INSYN2B: variants seen among roughly 807,000 people sequenced by gnomAD.
INSYN2B encodes the protein inhibitory synaptic factor family member 2B.
INSYN2B carries 16 observed loss-of-function variants against 41.2 expected under a neutral mutation model. That is an observed-to-expected ratio of 0.39 (90% CI 0.26 to 0.59). INSYN2B has a LOEUF of 0.59. Among genes scored for constraint, INSYN2B ranks in the 20% least tolerant of loss-of-function variants. The probability of loss-of-function intolerance (pLI) is 0.57; values close to 1 mark genes in which losing one functional copy is unlikely to be tolerated. For synonymous variants in INSYN2B, 245 were observed against 244.4 expected (o/e 1.00, Z -0.02); for missense variants, 608 against 646.4 (o/e 0.94, Z 0.64).
intron 1 of INSYN2B, among the ~76,000 whole-genome samples, chr5:169,893,808 C>T (rs1443196732): frequency 6.6e-6 from 1 of 152,154 alleles, no homozygotes; most frequent in African/African-American, 2.4e-5. Flanking sequence ...TCAATGTTGA[C>T]GTGTCAACAT....
intron 1 of INSYN2B, among the ~76,000 whole-genome samples, chr5:169,942,982 G>A (rs193281297): frequency 6.0e-4 from 92 of 152,300 alleles, no homozygotes; most frequent in African/African-American, 2.0e-3. Flanking sequence ...AATCGTATGC[G>A]TGGGACAAAC....
At chr5:169,873,057 T>C (rs185130149) in intron 3 of INSYN2B, among the ~76,000 whole-genome samples, 248 of 152,346 alleles carry the variant, frequency 1.6e-3, no homozygotes, top group African/African-American at 5.8e-3. Context: ...CAGCCACTCA[T>C]TTGTTATTCC....
At chr5:169,911,971 G>T (rs1422484824) in intron 1 of INSYN2B, among the ~76,000 whole-genome samples, 1 of 152,098 alleles carries the variant, frequency 6.6e-6, no homozygotes, top group East Asian at 1.9e-4. Flanking sequence ...GGTTGAAATT[G>T]TTCTCTCTAG....
At chr5:169,880,603 G>A (rs998555741) in intron 3 of INSYN2B, among the ~76,000 whole-genome samples, 2 of 152,186 alleles carry the variant, frequency 1.3e-5, no homozygotes, top group Non-Finnish European at 2.9e-5. Flanking sequence ...AGTAAAAACA[G>A]GTATAAACCC....
intron 1 of INSYN2B, among the ~76,000 whole-genome samples, chr5:169,918,771 G>C (rs397924): frequency 6.6e-6 from 1 of 152,102 alleles, no homozygotes; most frequent in Non-Finnish European, 1.5e-5. Flanking sequence ...AAATTAACCA[G>C]GCGTGGTGGC....
At chr5:169,979,464 T>C (rs1777862782) in intron 1 of INSYN2B, among the ~76,000 whole-genome samples, 1 of 152,194 alleles carries the variant, frequency 6.6e-6, no homozygotes, top group Non-Finnish European at 1.5e-5. Context: ...TCTATCGCTG[T>C]ATGACAAAAG....
chr5:169,927,793 T>C (rs549285562), intron 1 of INSYN2B, among the ~76,000 whole-genome samples: 2 of 152,280 alleles, frequency 1.3e-5, no homozygotes, highest in East Asian at 3.9e-4. Context: ...ATTTTTTGTA[T>C]TTTTAGTAGA....
chr5:169,913,161 T>C (rs1218277677), intron 1 of INSYN2B, among the ~76,000 whole-genome samples: 1 of 152,210 alleles, frequency 6.6e-6, no homozygotes, highest in Non-Finnish European at 1.5e-5. Context: ...AACTATACTT[T>C]CACAATTTCA....
chr5:169,907,825 T>C (rs1470920115), intron 1 of INSYN2B, among the ~76,000 whole-genome samples: 1 of 152,110 alleles, frequency 6.6e-6, no homozygotes, highest in African/African-American at 2.4e-5. Context: ...TTGCCACAAC[T>C]GGGAGGGGGT....
chr5:169,948,613 A>ATTTTTTTTTTTTTTTTTTTT (rs772095719), intron 1 of INSYN2B, among the ~76,000 whole-genome samples: 2 of 135,946 alleles, frequency 1.5e-5, no homozygotes, highest in South Asian at 4.9e-4. Flanking sequence ...TCCACAATTA[A>ATTTTTTTTTTTTTTTTTTTT]TTTTTTTTTT....
At chr5:169,897,478 C>T (rs781512613) in intron 1 of INSYN2B, among the ~76,000 whole-genome samples, 6 of 152,030 alleles carry the variant, frequency 3.9e-5, no homozygotes, top group African/African-American at 9.7e-5. Context: ...TGTGAGCCAC[C>T]GTACTCGGCC....
At chr5:169,925,605 A>G (rs983159278) in intron 1 of INSYN2B, among the ~76,000 whole-genome samples, 2 of 148,766 alleles carry the variant, frequency 1.3e-5, no homozygotes, top group African/African-American at 2.5e-5. Flanking sequence ...AAAAAAAAAA[A>G]GCATTGTCCT....
intron 1 of INSYN2B, among the ~76,000 whole-genome samples, chr5:169,894,882 A>G (rs1033336824): frequency 6.6e-6 from 1 of 152,184 alleles, no homozygotes; most frequent in Non-Finnish European, 1.5e-5. Flanking sequence ...CAGAAGTAAT[A>G]AAAACGAAAC....
In INSYN2B at chr5:169,883,261, G is replaced by T. The variant is rs1561793154; in HGVS notation, c.638C>A (p.Ser213Tyr). ...GAGAGCAGACTCTCTAGCTTCCCAGGAAGGACTGTGATAAATATCATCTGG... is the reference window on the plus strand; with the variant it reads ...GAGAGCAGACTCTCTAGCTTCCCAGTAAGGACTGTGATAAATATCATCTGG... The part of the protein sequence containing the change: ...QVPDDIYHSP[S>Y]WEARESALSP... The change falls in exon 2 of 4, where the codon TCC becomes TAC. Residue 213 changes from serine (S) to tyrosine (Y), a missense_variant. Physicochemically the swap from Ser to Tyr is moderately radical, Grantham distance 144. Coordinates refer to ENST00000377365, the MANE Select transcript of INSYN2B (RefSeq NM_001129891.3). 5 of 1,551,630 alleles carry T rather than the reference G, an allele frequency of 3.2e-6. No individual in the cohort carries two copies. Among genetic ancestry groups the T allele is most frequent in the Non-Finnish European group, 4.4e-6 (5 of 1,146,974 alleles).
At chr5:169,924,541 TTGGG>T (rs1775336652) in intron 1 of INSYN2B, among the ~76,000 whole-genome samples, 1 of 152,206 alleles carries the variant, frequency 6.6e-6, no homozygotes, top group Non-Finnish European at 1.5e-5. Flanking sequence ...TGGCTGCTTC[TTGGG>T]TAGCAATTTA....
chr5:169,933,986 G>A (rs780478955), intron 1 of INSYN2B, among the ~76,000 whole-genome samples: 56 of 152,112 alleles, frequency 3.7e-4, no homozygotes, highest in Non-Finnish European at 7.4e-4. Context: ...CAGCAGGACC[G>A]GCATCTATTG....
intron 1 of INSYN2B, among the ~76,000 whole-genome samples, chr5:169,960,408 T>A (rs920166167): frequency 1.3e-5 from 2 of 152,222 alleles, no homozygotes; most frequent in African/African-American, 4.8e-5. Flanking sequence ...CCATTGATAA[T>A]ATTAATATGT....
chr5:169,911,507 T>C (rs1774597574), intron 1 of INSYN2B, among the ~76,000 whole-genome samples: 1 of 152,206 alleles, frequency 6.6e-6, no homozygotes, highest in African/African-American at 2.4e-5. Context: ...TCCAAGTCTG[T>C]TTATTACCTG....
At chr5:169,954,014 A>G (rs1468856227) in intron 1 of INSYN2B, among the ~76,000 whole-genome samples, 1 of 152,232 alleles carries the variant, frequency 6.6e-6, no homozygotes, top group African/African-American at 2.4e-5. Context: ...ATGAGTGCAT[A>G]TTCTATACTC....
Sources: allele counts gnomAD v4.1 joint callset (sites outside exome capture counted in the v4.1 genomes callset), GRCh38; gene constraint gnomAD v4.1.1; transcripts MANE v1.5; gene names NCBI Gene and HGNC (gene_info 2026-07-23, HGNC 2026-07-21).